The following ANKRD6 variants were observed in gnomAD, a reference collection of about 807,000 sequenced individuals.
ANKRD6 encodes ankyrin repeat domain 6, also known as ankyrin repeat domain-containing protein 6.
Under a neutral mutation model 82.3 loss-of-function variants are expected in ANKRD6, and 56 were observed. The ratio of observed to expected loss-of-function variants is 0.68; its 90% CI spans 0.55 to 0.85. The LOEUF (loss-of-function observed/expected upper bound fraction) is 0.85, where lower values mean the gene tolerates loss of function less well. ANKRD6 is among the 40% of genes least tolerant of loss of function. The pLI, the probability that ANKRD6 is intolerant of heterozygous loss-of-function variation, is 0.00. For missense variants in ANKRD6, 852 were observed against 907.6 expected (o/e 0.94, Z 0.79); for synonymous variants, 347 against 352.1 (o/e 0.99, Z 0.16).
At chr6:89,468,633 A>G (rs544828907) in intron 1 of ANKRD6, among the ~76,000 whole-genome samples, 2 of 150,496 alleles carry the variant, frequency 1.3e-5, no homozygotes, top group African/African-American at 4.9e-5. Context: ...AAGTCCGTGC[A>G]TAATTTTCAT....
chr6:89,446,301 A>G (rs1274665286), intron 1 of ANKRD6, among the ~76,000 whole-genome samples: 1 of 152,112 alleles, frequency 6.6e-6, no homozygotes, highest in East Asian at 1.9e-4. Context: ...GCAGTGAGTC[A>G]AGATCGTGCC....
rs1011235008 is a variant in ANKRD6, at chr6:89,567,615, A to G, written c.120+519A>G. 4.6e-5 allele frequency among the ~76,000 whole-genome samples: 7 copies of G among 152,258 alleles called. No homozygotes were observed. The South Asian group carries it at 6.2e-4, about 14-fold the overall frequency. ...TTACCCTGCGCCAACAGAGAAGACT[A>G]TGAAAGATAAGAGACCATACTGGCC... On this transcript the variant is annotated intron_variant, in intron 2 of 15. Coordinates refer to ENST00000339746, the MANE Select transcript of ANKRD6 (RefSeq NM_001242809.2).
chr6:89,459,505 C>A (rs199848730), intron 1 of ANKRD6, among the ~76,000 whole-genome samples: 1 of 152,178 alleles, frequency 6.6e-6, no homozygotes, highest in Admixed American at 6.5e-5. Context: ...GTTCAGTCCT[C>A]TAGCCTCTAT....
chr6:89,462,229 C>CACAAAATAA (rs1774238640), intron 1 of ANKRD6, among the ~76,000 whole-genome samples: 1 of 58,566 alleles, frequency 1.7e-5, no homozygotes, highest in Admixed American at 1.9e-4. Flanking sequence ...GAGACTCCAT[C>CACAAAATAA]TCAAAATAAT....
chr6:89,470,741 A>G (rs1393655507), intron 1 of ANKRD6, among the ~76,000 whole-genome samples: 1 of 152,068 alleles, frequency 6.6e-6, no homozygotes, highest in African/African-American at 2.4e-5. Flanking sequence ...CATCTTTTAT[A>G]GCTATCTTTA....
chr6:89,438,699 A>G (rs201796580), intron 1 of ANKRD6, among the ~76,000 whole-genome samples: 1 of 151,942 alleles, frequency 6.6e-6, no homozygotes, highest in Non-Finnish European at 1.5e-5. Context: ...CTGGAGTGCA[A>G]TGGTGCGATC....
intron 1 of ANKRD6, among the ~76,000 whole-genome samples, chr6:89,537,519 G>A (rs1273402948): frequency 1.3e-5 from 2 of 152,004 alleles, no homozygotes; most frequent in Admixed American, 6.5e-5. Context: ...TTAGATGTTG[G>A]TTTGCAAAGG....
chr6:89,542,409 T>C (rs1403938572), intron 1 of ANKRD6, among the ~76,000 whole-genome samples: 1 of 152,246 alleles, frequency 6.6e-6, no homozygotes, highest in African/African-American at 2.4e-5. Context: ...GGTGATATTC[T>C]AATCCTGTTA....
At chr6:89,555,284 T>C (rs1352207062) in intron 1 of ANKRD6, among the ~76,000 whole-genome samples, 4 of 151,748 alleles carry the variant, frequency 2.6e-5, no homozygotes, top group Non-Finnish European at 5.9e-5. Context: ...TTACTTAGAA[T>C]ATAAGAAGAG....
chr6:89,474,599 A>G (rs990427036), intron 1 of ANKRD6, among the ~76,000 whole-genome samples: 1 of 152,136 alleles, frequency 6.6e-6, no homozygotes, highest in African/African-American at 2.4e-5. Context: ...TTGTAGTTTT[A>G]GTAGAGACGG....
intron 1 of ANKRD6, among the ~76,000 whole-genome samples, chr6:89,445,930 G>A (rs538418054): frequency 1.2e-4 from 19 of 152,216 alleles, no homozygotes; most frequent in African/African-American, 4.6e-4. Context: ...ACCATGAATT[G>A]TGCCCAAATA....
At chr6:89,457,966 G>A (rs1056276075) in intron 1 of ANKRD6, among the ~76,000 whole-genome samples, 13 of 152,186 alleles carry the variant, frequency 8.5e-5, no homozygotes, top group Admixed American at 2.0e-4. Context: ...ATGGGATTAC[G>A]TCCTTATAAA....
chr6:89,595,790 T>A (rs1795762622), intron 2 of ANKRD6, 126 bp from the exon 3 acceptor site: 1 of 695,080 alleles, frequency 1.4e-6, no homozygotes, highest in African/African-American at 1.8e-5. Context: ...CTCCTGCCAA[T>A]CCAAAGGGGC....
At chr6:89,516,461 A>G (rs576587529) in intron 1 of ANKRD6, among the ~76,000 whole-genome samples, 56 of 152,194 alleles carry the variant, frequency 3.7e-4, no homozygotes, top group African/African-American at 1.3e-3. Context: ...TTAGCTTCCA[A>G]AATTGTGGGA....
chr6:89,449,740 C>A (rs150814404), intron 1 of ANKRD6, among the ~76,000 whole-genome samples: 1 of 152,268 alleles, frequency 6.6e-6, no homozygotes, highest in African/African-American at 2.4e-5. Flanking sequence ...ATAAAAGCTT[C>A]CCTTTACCCT....
chr6:89,508,988 G>A (rs1161563605), intron 1 of ANKRD6: 2 of 152,464 alleles, frequency 1.3e-5, no homozygotes, highest in African/African-American at 2.4e-5. Context: ...AAGGTGTGTG[G>A]AGCTGTTTGT....
chr6:89,572,332 T>G (rs377227950), intron 2 of ANKRD6, among the ~76,000 whole-genome samples: 1 of 152,244 alleles, frequency 6.6e-6, no homozygotes. Context: ...ATGTTTTGTT[T>G]TGTAAGAAAC....
At chr6:89,611,169 C>T (rs1293183096) in intron 5 of ANKRD6, among the ~76,000 whole-genome samples, 2 of 116,068 alleles carry the variant, frequency 1.7e-5, no homozygotes, top group Non-Finnish European at 3.6e-5. Flanking sequence ...CAGTATTCCT[C>T]TATTTTTTTT....
chr6:89,501,208 G>A (rs1039126552), intron 1 of ANKRD6, among the ~76,000 whole-genome samples: 3 of 152,134 alleles, frequency 2.0e-5, no homozygotes, highest in Admixed American at 6.5e-5. Context: ...AAGACTTAAC[G>A]ATTAATTGTT....
Sources: gnomAD v4.1 joint callset for allele counts (sites outside exome capture counted in the v4.1 genomes callset) on GRCh38, gnomAD v4.1.1 for gene constraint, MANE v1.5 for transcripts, NCBI Gene and HGNC (gene_info 2026-07-23, HGNC 2026-07-21) for gene names.